ZNF7: variants seen among roughly 807,000 people sequenced by gnomAD.
The protein encoded by ZNF7 is zinc finger protein 7.
In ZNF7, 10 loss-of-function variants were observed where a neutral mutation model predicts 12.0. The observed-to-expected ratio is 0.83, with a 90% CI of 0.51 to 1.42. The LOEUF (loss-of-function observed/expected upper bound fraction) is 1.42. ZNF7 is among the 40% of genes most tolerant of loss of function. The probability of loss-of-function intolerance (pLI) is 0.00; values close to 1 mark genes in which losing one functional copy is unlikely to be tolerated. For synonymous variants in ZNF7, 334 were observed against 295.0 expected (o/e 1.13, Z -1.35); for missense variants, 854 against 837.2 (o/e 1.02, Z -0.25).
At chr8:144,841,269 C>A (rs1359347101) in intron 4 of ZNF7, 86 bp from the exon 5 acceptor site, 2 of 1,385,454 alleles carry the variant, frequency 1.4e-6, no homozygotes, top group East Asian at 2.3e-5. Flanking sequence ...ATCCTGGGAG[C>A]CTTGAGCCCT....
Position 144,841,924 on chromosome 8 carries a change from AC to A in ZNF7, c.818del (p.Thr273ArgfsTer17). 1 of 1,614,222 alleles carries A rather than the reference AC, an allele frequency of 6.2e-7. No individual in the cohort carries two copies. The highest frequency in any genetic ancestry group is 8.5e-7 in the Non-Finnish European group (1 of 1,180,048). ...GCTTAATCAGCATCAGAGAATCCACACGGGAGAGAAACCCTTTAAATGCACT... is the reference window on the plus strand; with the variant it reads ...GCTTAATCAGCATCAGAGAATCCACAGGGAGAGAAACCCTTTAAATGCACT... ...SQLNQHQRIH[T>X]GEKPFKCTEC... On this transcript the variant is annotated frameshift_variant, in exon 5 of 5. Transcript: ENST00000532777. LOFTEE classifies it low-confidence loss of function (END_TRUNC).
chr8:144,846,234 A>G, downstream of ZNF7: 2 of 1,494,630 alleles, frequency 1.3e-6, no homozygotes, highest in South Asian at 1.2e-5. Flanking sequence ...AACAGCAACC[A>G]GCCAAAAAGG....
In ZNF7 at chr8:144,827,577, G is replaced by C. The variant is rs1827905253; in HGVS notation, c.-78G>C. The C allele has an allele frequency of 1.0e-6, 1 of 985,686 alleles. No individual in the cohort carries two copies. Among genetic ancestry groups the C allele is most frequent in the South Asian group, 4.7e-5 (1 of 21,300 alleles). The allele number at this position is 985,686 out of a possible 1,614,324, so 61.1% of individuals were successfully genotyped here. ...CAAGGCCCGTTTCCGGCGGCGTCGC[G>C]CGTTTGCGAGCCTCGGGTGGTCCTC... is the stretch of plus-strand genomic sequence containing the variant. On this transcript the variant is annotated 5_prime_UTR_variant, in exon 1 of 5. Transcript: ENST00000532777.
intron 3 of ZNF7, chr8:144,833,714 T>G (rs1470777439): frequency 5.9e-5 from 9 of 151,792 alleles, no homozygotes; most frequent in Non-Finnish European, 8.8e-5. Flanking sequence ...GTGGTTTTTG[T>G]TTTTTGCTTT....
rs572734910 is a variant in ZNF7, at chr8:144,843,505, A to G, written c.*337A>G. The G allele has an allele frequency of 1.7e-3, 294 of 173,160 alleles. No individual in the cohort carries two copies. Among genetic ancestry groups the G allele is most frequent in the Non-Finnish European group, 2.4e-3 (195 of 82,804 alleles). 10.7% of individuals were successfully genotyped at this position (173,160 alleles called of 1,614,324 possible). ...CGGGAGGCTGAGGCAGGAGAATGGC[A>G]TCAGCCCAGGAGGCGGAGCTTGCAG... On this transcript the variant is annotated 3_prime_UTR_variant, in exon 5 of 5. Transcript: ENST00000532777.
At chr8:144,846,042 C>T (rs749139029), downstream of ZNF7, 26 of 1,536,546 alleles carry the variant, frequency 1.7e-5, no homozygotes, top group Non-Finnish European at 2.0e-5. Flanking sequence ...CCTGCAACTC[C>T]TGTTCCTGGC....
chr8:144,827,613 AGTCGGCGCGG>A lies in ZNF7; in HGVS notation c.-46+5_-46+14del, dbSNP rs1226860872. 1 of 985,378 alleles carries A rather than the reference AGTCGGCGCGG, an allele frequency of 1.0e-6. No individual in the cohort carries two copies. Among genetic ancestry groups the A allele is most frequent in the Non-Finnish European group, 1.2e-6 (1 of 830,000 alleles). 61.0% of individuals were successfully genotyped at this position (985,378 alleles called of 1,614,324 possible). On this transcript the variant is annotated splice_donor_5th_base_variant and intron_variant, in intron 1 of 4. Coordinates refer to ENST00000532777, the MANE Select transcript of ZNF7 (RefSeq NM_003416.4). ...CCTCGGGTGGTCCTCAGGGAGGGTG[AGTCGGCGCGG>A]CGGGCGCGGACTCGGGTTGCCCTCG...
In ZNF7 at chr8:144,829,070, C is replaced by A; in HGVS notation, c.-18C>A. ...CTCTCGGCCAGAACACGTGGATGCC[C>A]ACCCACCACTGAGCCTCATGGTAGG... On this transcript the variant is annotated 5_prime_UTR_variant, in exon 2 of 5. Coordinates refer to ENST00000532777, the MANE Select transcript of ZNF7 (RefSeq NM_003416.4). 6.2e-7 allele frequency: 1 copy of A among 1,614,076 alleles called. No homozygotes were observed. The highest frequency in any genetic ancestry group is 8.5e-7 in the Non-Finnish European group (1 of 1,179,974).
intron 3 of ZNF7, chr8:144,831,129 C>G (rs1828402314): frequency 2.3e-6 from 1 of 431,896 alleles, no homozygotes; most frequent in African/African-American, 2.0e-5. Flanking sequence ...CCTCCTCTCT[C>G]AGGCCCTGTG....
chr8:144,829,309 T>A, intron 2 of ZNF7, 169 bp from the exon 3 acceptor site: 1 of 1,536,660 alleles, frequency 6.5e-7, no homozygotes. Context: ...TGGACTGGGT[T>A]CCTTCCTCCT....
chr8:144,840,350 T>G (rs1186181934), intron 4 of ZNF7, among the ~76,000 whole-genome samples: 1 of 152,242 alleles, frequency 6.6e-6, no homozygotes, highest in Non-Finnish European at 1.5e-5. Context: ...AGCCGGAGAC[T>G]CACCACCAAT....
downstream of ZNF7, among the ~76,000 whole-genome samples, chr8:144,844,721 AAAAAAAAAAAAAAAAC>A (rs1348208386): frequency 6.9e-5 from 4 of 57,892 alleles, no homozygotes; most frequent in East Asian, 1.7e-3. Context: ...AAAAAAAAAA[AAAAAAAAAAAAAAAAC>A]GAAAATGGGA....
downstream of ZNF7, among the ~76,000 whole-genome samples, chr8:144,844,537 CGT>C: frequency 6.6e-6 from 1 of 151,220 alleles, no homozygotes; most frequent in South Asian, 2.1e-4. Flanking sequence ...AGTGAAACCC[CGT>C]GTCTACTAAA....
At chr8:144,829,751 G>T in intron 3 of ZNF7, 147 bp downstream of exon 3, 1 of 1,099,124 alleles carries the variant, frequency 9.1e-7, no homozygotes. Context: ...TGGTGTGCCA[G>T]GCTGGTTCCT....
At chr8:144,844,391 A>G (rs73716289), downstream of ZNF7, among the ~76,000 whole-genome samples, 1,747 of 152,106 alleles carry the variant, frequency 0.011, 31 homozygotes, top group African/African-American at 0.038. Context: ...GAACGCGGTG[A>G]GGAGGAAATA....
At chr8:144,832,842 C>T (rs1293865865) in intron 3 of ZNF7, among the ~76,000 whole-genome samples, 1 of 152,106 alleles carries the variant, frequency 6.6e-6, no homozygotes, top group African/African-American at 2.4e-5. Flanking sequence ...ATTGGGGTTA[C>T]GTAAAAATCC....
chr8:144,837,890 T>C, intron 4 of ZNF7: 1 of 582,376 alleles, frequency 1.7e-6, no homozygotes, highest in Non-Finnish European at 3.1e-6. Flanking sequence ...GCATATTCCC[T>C]GAGGCAGCTC....
downstream of ZNF7, chr8:144,846,216 T>C (rs763387710): frequency 1.3e-6 from 2 of 1,520,294 alleles, no homozygotes; most frequent in South Asian, 1.2e-5. Flanking sequence ...TGCTGTGTTC[T>C]TTTCACTAAC....
intron 4 of ZNF7, 71 bp from the exon 5 acceptor site, chr8:144,841,284 C>G: frequency 1.4e-6 from 2 of 1,477,038 alleles, no homozygotes; most frequent in Non-Finnish European, 1.8e-6. Flanking sequence ...AGCCCTGGCC[C>G]CCGCATTTGT....
Sources: gnomAD v4.1 joint callset for allele counts (sites outside exome capture counted in the v4.1 genomes callset) on GRCh38, gnomAD v4.1.1 for gene constraint, MANE v1.5 for transcripts, NCBI Gene and HGNC (gene_info 2026-07-23, HGNC 2026-07-21) for gene names.